The following GSG1L variants were observed in gnomAD, a reference collection of about 807,000 sequenced individuals.
GSG1L encodes the protein GSG1 like.
Under a neutral mutation model 42.1 loss-of-function variants are expected in GSG1L, and 24 were observed. The observed-to-expected ratio is 0.57, with a 90% CI of 0.41 to 0.80. The LOEUF (loss-of-function observed/expected upper bound fraction) is 0.80, where lower values mean the gene tolerates loss of function less well. Ranked by LOEUF, GSG1L falls within the 30% of genes least tolerant of loss-of-function variation. The pLI is 0.00. For missense variants in GSG1L, 445 were observed against 472.2 expected, an observed-to-expected ratio of 0.94 and a Z score of 0.53; for synonymous variants, 215 against 203.5, an observed-to-expected ratio of 1.06 and a Z score of -0.48.
intron 2 of GSG1L, among the ~76,000 whole-genome samples, chr16:27,895,490 T>C (rs1017814499): frequency 6.6e-6 from 1 of 152,192 alleles, no homozygotes; most frequent in African/African-American, 2.4e-5. Flanking sequence ...ACCCCTGATA[T>C]CTACAGATAG....
chr16:27,930,086 C>T (rs549229375), intron 2 of GSG1L, among the ~76,000 whole-genome samples: 1 of 152,118 alleles, frequency 6.6e-6, no homozygotes, highest in South Asian at 2.1e-4. Context: ...ACTTACATGC[C>T]TCTGGGGTTG....
At chr16:28,036,532 T>A (rs977881912) in intron 1 of GSG1L, among the ~76,000 whole-genome samples, 2 of 152,200 alleles carry the variant, frequency 1.3e-5, no homozygotes, top group African/African-American at 4.8e-5. Flanking sequence ...GATTCCAAGT[T>A]GCCCCAGGAC....
intron 1 of GSG1L, among the ~76,000 whole-genome samples, chr16:28,052,037 A>G (rs995750296): frequency 2.0e-5 from 3 of 151,838 alleles, no homozygotes; most frequent in Non-Finnish European, 4.4e-5. Flanking sequence ...TGTTTGGGAA[A>G]AGAGTCAGCA....
At position 27,987,480 on chromosome 16, in the gene GSG1L, G is replaced by A. The variant is rs530433124; in HGVS notation, c.350-24277C>T. 2.6e-5 allele frequency among the ~76,000 whole-genome samples: 4 copies of A among 152,244 alleles called. No homozygotes were observed. The South Asian group carries it at 8.3e-4, about 32-fold the overall frequency. ...GTGTGGAGGTCTCCCTGCCCCTGCTGTGCCCCCTGGCTGTGCTGGGAAGGG... is the reference window on the plus strand; with the variant it reads ...GTGTGGAGGTCTCCCTGCCCCTGCTATGCCCCCTGGCTGTGCTGGGAAGGG... On this transcript the variant is annotated intron_variant, in intron 1 of 6. Coordinates refer to ENST00000447459, the MANE Select transcript of GSG1L (RefSeq NM_001109763.2).
At chr16:28,016,002 T>A (rs1264005800) in intron 1 of GSG1L, among the ~76,000 whole-genome samples, 1 of 152,134 alleles carries the variant, frequency 6.6e-6, no homozygotes, top group Non-Finnish European at 1.5e-5. Flanking sequence ...TTTGTTTTTG[T>A]TTTTTTGAGA....
intron 3 of GSG1L, among the ~76,000 whole-genome samples, chr16:27,882,949 T>A (rs111319861): frequency 0.017 from 2,627 of 151,014 alleles, 63 homozygotes; most frequent in African/African-American, 0.06. Context: ...CTAAAAAAAA[T>A]TTTTTTTTTA....
At chr16:28,036,598 T>C (rs1206271512) in intron 1 of GSG1L, among the ~76,000 whole-genome samples, 2 of 152,204 alleles carry the variant, frequency 1.3e-5, no homozygotes, top group African/African-American at 2.4e-5. Context: ...CACCAGGACT[T>C]CCTGGAATCC....
At chr16:27,970,164 A>G (rs1364491455) in intron 1 of GSG1L, among the ~76,000 whole-genome samples, 1 of 152,090 alleles carries the variant, frequency 6.6e-6, no homozygotes, top group Non-Finnish European at 1.5e-5. Context: ...TTGTCTTTCC[A>G]CTTTCTTGAT....
Position 27,969,878 on chromosome 16 carries a change from G to A in GSG1L, c.350-6675C>T, listed in dbSNP as rs75911463. Among the ~76,000 whole-genome samples, 1,430 of 152,226 alleles carry A rather than the reference G, an allele frequency of 9.4e-3. 17 individuals are homozygous for A. The highest frequency in any genetic ancestry group is 0.031 in the African/African-American group (1,293 of 41,540). On this transcript the variant is annotated intron_variant, in intron 1 of 6. Transcript: ENST00000447459. The stretch of plus-strand genomic sequence containing the variant: ...TCTTCAGCAACACTTGCTATTGTTC[G>A]TCTTTTTTTATTATAAGCATCCTTG...
At chr16:27,854,244 T>G (rs1433314539) in intron 3 of GSG1L, among the ~76,000 whole-genome samples, 19 of 79,868 alleles carry the variant, frequency 2.4e-4, no homozygotes, top group East Asian at 9.9e-4. Context: ...ATGGGGAGGG[T>G]GAATAGAAGG....
intron 4 of GSG1L, among the ~76,000 whole-genome samples, chr16:27,842,824 C>T (rs1311895544): frequency 6.6e-6 from 1 of 152,136 alleles, no homozygotes; most frequent in Non-Finnish European, 1.5e-5. Flanking sequence ...CCTCCTGCTC[C>T]ATTCTGAGAT....
chr16:28,009,493 A>G (rs2085688671), intron 1 of GSG1L, among the ~76,000 whole-genome samples: 1 of 152,168 alleles, frequency 6.6e-6, no homozygotes, highest in Non-Finnish European at 1.5e-5. Context: ...CAGTTCCACG[A>G]GGGCAGAGTC....
intron 4 of GSG1L, among the ~76,000 whole-genome samples, chr16:27,843,460 T>C (rs2083410167): frequency 7.5e-6 from 1 of 133,106 alleles, no homozygotes; most frequent in African/African-American, 2.9e-5. Flanking sequence ...AATTTTAAGA[T>C]GGAAGTCTGG....
At chr16:27,850,023 CT>C (rs57543425) in intron 3 of GSG1L, among the ~76,000 whole-genome samples, 1,255 of 69,924 alleles carry the variant, frequency 0.018, 1 homozygote, top group Non-Finnish European at 0.024. Flanking sequence ...TTTGAAATGC[CT>C]TTTTTTTTTT....
intron 2 of GSG1L, among the ~76,000 whole-genome samples, chr16:27,947,532 A>T (rs1567530730): frequency 1.7e-5 from 2 of 119,502 alleles, no homozygotes; most frequent in Non-Finnish European, 3.7e-5. Flanking sequence ...AAAGAAAGAA[A>T]GAATGAAGGA....
intron 1 of GSG1L, among the ~76,000 whole-genome samples, chr16:28,058,765 T>C (rs7189847): frequency 0.035 from 5,399 of 152,182 alleles, 300 homozygotes; most frequent in African/African-American, 0.12. Context: ...AACCTCCCGG[T>C]TGGGGACATC....
chr16:28,012,644 G>A (rs1488453211), intron 1 of GSG1L, among the ~76,000 whole-genome samples: 2 of 151,990 alleles, frequency 1.3e-5, no homozygotes, highest in African/African-American at 4.8e-5. Context: ...CCAGTGCTTT[G>A]GGAAGCCAAG....
intron 6 of GSG1L, among the ~76,000 whole-genome samples, chr16:27,801,850 C>G (rs186853187): frequency 4.6e-4 from 70 of 152,234 alleles, no homozygotes; most frequent in Admixed American, 3.5e-3. Flanking sequence ...TCCGTTTCCT[C>G]GTCTGTAAAA....
At chr16:28,056,453 A>T (rs918370072) in intron 1 of GSG1L, among the ~76,000 whole-genome samples, 1 of 111,860 alleles carries the variant, frequency 8.9e-6, no homozygotes, top group Non-Finnish European at 1.7e-5. Context: ...GGGGAACATC[A>T]CACCGGGGCC....
Sources: gnomAD v4.1 joint callset for allele counts (sites outside exome capture counted in the v4.1 genomes callset) on GRCh38, gnomAD v4.1.1 for gene constraint, MANE v1.5 for transcripts, NCBI Gene and HGNC (gene_info 2026-07-23, HGNC 2026-07-21) for gene names.